Variants in PKP1 observed in about 807,000 individuals in gnomAD.
The protein encoded by PKP1 is plakophilin 1, also known as plakophilin-1.
Under a neutral mutation model 76.4 loss-of-function variants are expected in PKP1, and 27 were observed. The observed-to-expected ratio is 0.35, with a 90% CI of 0.26 to 0.49. The LOEUF (loss-of-function observed/expected upper bound fraction) is 0.49, where lower values mean the gene tolerates loss of function less well. PKP1 is among the 20% of genes least tolerant of loss of function. PKP1 has a pLI of 0.99. For synonymous variants in PKP1, 404 were observed against 384.2 expected, an observed-to-expected ratio of 1.05 and a Z score of -0.60; for missense variants, 964 against 955.2, an observed-to-expected ratio of 1.01 and a Z score of -0.12.
At chr1:201,323,283 G>C in intron 9 of PKP1, 94 bp downstream of exon 9, 2 of 1,224,978 alleles carry the variant, frequency 1.6e-6, no homozygotes, top group Non-Finnish European at 2.4e-6. Flanking sequence ...CCTGTCCCCT[G>C]ACTTCGGAGC....
At chr1:201,321,870 C>A in intron 7 of PKP1, 108 bp from the exon 8 acceptor site, 1 of 1,298,924 alleles carries the variant, frequency 7.7e-7, no homozygotes, top group South Asian at 1.2e-5. Context: ...TCATCTTTCC[C>A]GATGCAGCCC....
At chr1:201,304,993 C>A (rs1013587580) in intron 2 of PKP1, among the ~76,000 whole-genome samples, 4 of 152,222 alleles carry the variant, frequency 2.6e-5, no homozygotes, top group Non-Finnish European at 5.9e-5. Flanking sequence ...CTGGGAAGTG[C>A]CACACCAGTG....
At chr1:201,322,887 G>A (rs1018490737) in intron 8 of PKP1, 126 bp from the exon 9 acceptor site, 31 of 944,518 alleles carry the variant, frequency 3.3e-5, no homozygotes, top group Non-Finnish European at 4.9e-5. Flanking sequence ...GCCTCTGCAG[G>A]CGCTTCCTCA....
Position 201,324,857 on chromosome 1 carries a change from G to A in PKP1, c.1835-84G>A, listed in dbSNP as rs854505. The A allele has an allele frequency of 0.72, 987,484 of 1,367,814 alleles. 359,946 individuals are homozygous for A. The highest frequency in any genetic ancestry group is 0.83 in the South Asian group (63,693 of 76,960). The allele number at this position is 1,367,814 out of a possible 1,614,324, so 84.7% of individuals were successfully genotyped here. On this transcript the variant is annotated intron_variant, in intron 10 of 13. Coordinates refer to ENST00000367324, the MANE Select transcript of PKP1 (RefSeq NM_001005337.3). The stretch of plus-strand genomic sequence containing the variant: ...GCTCAGAGCCCGGCAGAAGGCTATC[G>A]AAGAGTGTGGCCCCAGAGGGAACCC...
At position 201,330,929 on chromosome 1, in the gene PKP1, T is replaced by A. The variant is rs1488224669; in HGVS notation, c.*888T>A. ...GGCCCTGCATTCAGAGGTCTTGTAA[T>A]CTACTTGTTGCAGGAGAAAGAAGGT... On this transcript the variant is annotated 3_prime_UTR_variant, in exon 14 of 14. Transcript: ENST00000367324. 6.6e-6 allele frequency: 1 copy of A among 152,266 alleles called. No homozygotes were observed. Among genetic ancestry groups the A allele is most frequent in the Non-Finnish European group, 1.5e-5 (1 of 68,046 alleles). 9.4% of individuals were successfully genotyped at this position (152,266 alleles called of 1,614,324 possible). A position where few individuals can be genotyped will look rare whatever the true frequency, so the allele number is the denominator to read the frequency against.
At chr1:201,300,070 C>T (rs948247781) in intron 2 of PKP1, among the ~76,000 whole-genome samples, 12 of 152,232 alleles carry the variant, frequency 7.9e-5, no homozygotes, top group African/African-American at 2.9e-4. Context: ...TCACCCCCAC[C>T]CAGCCCTGGG....
chr1:201,325,904 T>C (rs1657109923), intron 12 of PKP1, 66 bp downstream of exon 12: 3 of 1,235,272 alleles, frequency 2.4e-6, no homozygotes, highest in Middle Eastern at 1.9e-4. Flanking sequence ...GCCTGGCATA[T>C]GCTGGGCTCT....
At chr1:201,290,032 G>A (rs181695540) in intron 1 of PKP1, among the ~76,000 whole-genome samples, 1 of 152,302 alleles carries the variant, frequency 6.6e-6, no homozygotes, top group East Asian at 1.9e-4. Context: ...TAAAGAAGGA[G>A]CTGCCTCCAG....
intron 2 of PKP1, among the ~76,000 whole-genome samples, chr1:201,295,562 C>T (rs930907511): frequency 2.0e-5 from 3 of 152,174 alleles, no homozygotes; most frequent in Non-Finnish European, 2.9e-5. Context: ...GATCACTGCA[C>T]CAGCAGCCGG....
rs981939058 is a variant in PKP1 at position 201,331,536 on chromosome 1, G to A, written c.*1495G>A. On this transcript the variant is annotated 3_prime_UTR_variant, in exon 14 of 14. Transcript: ENST00000367324. ...CTACCTCCATGCTAGCATTGCTGGT[G>A]TTAGAGAGGAATTAACTTCCTGGTC... 1 of 152,432 alleles carries A rather than the reference G, an allele frequency of 6.6e-6. No individual in the cohort carries two copies. Among genetic ancestry groups the A allele is most frequent in the Non-Finnish European group, 1.5e-5 (1 of 68,206 alleles). The allele number at this position is 152,432 out of a possible 1,614,324, so 9.4% of individuals were successfully genotyped here.
intron 2 of PKP1, among the ~76,000 whole-genome samples, chr1:201,307,684 T>C (rs1236852631): frequency 6.6e-6 from 1 of 152,216 alleles, no homozygotes; most frequent in Non-Finnish European, 1.5e-5. Context: ...CAAGGGTCAC[T>C]ACATGCCTAC....
intron 4 of PKP1, 95 bp downstream of exon 4, chr1:201,316,792 A>G: frequency 1.4e-6 from 2 of 1,387,618 alleles, no homozygotes; most frequent in Non-Finnish European, 2.0e-6. Context: ...GGGCATCTGC[A>G]GTTGGCTTCT....
intron 2 of PKP1, among the ~76,000 whole-genome samples, chr1:201,295,180 G>A (rs1656037078): frequency 6.6e-6 from 1 of 152,072 alleles, no homozygotes; most frequent in Non-Finnish European, 1.5e-5. Flanking sequence ...CAAAGGTCCT[G>A]GGTCCTGGGG....
At chr1:201,321,478 CA>C (rs1656937139) in intron 7 of PKP1, among the ~76,000 whole-genome samples, 1 of 152,026 alleles carries the variant, frequency 6.6e-6, no homozygotes, top group Admixed American at 6.6e-5. Context: ...CTGACATTGA[CA>C]GCTAAGGACT....
chr1:201,293,844 G>T, intron 1 of PKP1, 98 bp from the exon 2 acceptor site: 1 of 788,484 alleles, frequency 1.3e-6, no homozygotes. Flanking sequence ...TCTCCTCCAT[G>T]GGCATAGTGG....
At chr1:201,320,051 T>G in intron 6 of PKP1, 1 of 739,538 alleles carries the variant, frequency 1.4e-6, no homozygotes, top group Non-Finnish European at 2.4e-6. Context: ...CCTTCCGTTT[T>G]CATCTTTTCC....
At chr1:201,325,375 T>C (rs1357297037) in intron 11 of PKP1, among the ~76,000 whole-genome samples, 1 of 151,908 alleles carries the variant, frequency 6.6e-6, no homozygotes, top group Non-Finnish European at 1.5e-5. Context: ...GCTGGGGGAC[T>C]CGGGGGCACA....
intron 12 of PKP1, among the ~76,000 whole-genome samples, chr1:201,326,051 T>A (rs944491727): frequency 1.3e-5 from 2 of 152,188 alleles, no homozygotes; most frequent in Admixed American, 6.5e-5. Flanking sequence ...GCTGAGAACA[T>A]GGAGGGCAGA....
chr1:201,310,616 C>T (rs1037336158), intron 2 of PKP1, among the ~76,000 whole-genome samples: 1 of 152,196 alleles, frequency 6.6e-6, no homozygotes, highest in Non-Finnish European at 1.5e-5. Context: ...CCTCATGGTA[C>T]TTGGGGAGGA....
Sources: allele counts gnomAD v4.1 joint callset (sites outside exome capture counted in the v4.1 genomes callset), GRCh38; gene constraint gnomAD v4.1.1; transcripts MANE v1.5; gene names NCBI Gene and HGNC (gene_info 2026-07-23, HGNC 2026-07-21).